Variants in FILIP1L observed in about 807,000 individuals in gnomAD.
FILIP1L encodes filamin A interacting protein 1 like, also known as filamin A-interacting protein 1-like.
Under a neutral mutation model 96.6 loss-of-function variants are expected in FILIP1L, and 55 were observed. That is an observed-to-expected ratio of 0.57 (90% CI 0.46 to 0.71). The LOEUF is 0.71. Ranked by LOEUF, FILIP1L falls within the 30% of genes least tolerant of loss-of-function variation. FILIP1L has a pLI of 0.00. For synonymous variants in FILIP1L, 467 were observed against 473.9 expected, an observed-to-expected ratio of 0.99 and a Z score of 0.19; for missense variants, 1,304 against 1,321.2, an observed-to-expected ratio of 0.99 and a Z score of 0.20.
chr3:100,003,522 C>T (rs1436690473), intron 1 of FILIP1L, among the ~76,000 whole-genome samples: 4 of 152,146 alleles, frequency 2.6e-5, no homozygotes, highest in Non-Finnish European at 4.4e-5. Context: ...GTGAAGTATC[C>T]ATTTTGTAGA....
chr3:100,088,229 A>G (rs1269551080), intron 1 of FILIP1L, among the ~76,000 whole-genome samples: 2 of 152,202 alleles, frequency 1.3e-5, no homozygotes, highest in African/African-American at 2.4e-5. Flanking sequence ...AGTTATCATT[A>G]TATGTGTCCC....
chr3:99,928,114 T>A (rs961014195), intron 3 of FILIP1L, among the ~76,000 whole-genome samples: 2 of 152,226 alleles, frequency 1.3e-5, no homozygotes, highest in Admixed American at 6.5e-5. Flanking sequence ...GCATTCAAGA[T>A]GCTTATTCTC....
At position 99,948,336 on chromosome 3, in the gene FILIP1L, A is replaced by T. The variant is rs930504331; in HGVS notation, c.-10-17306T>A. Among the ~76,000 whole-genome samples, 304 of 150,386 alleles carry T rather than the reference A, an allele frequency of 2.0e-3. 5 individuals are homozygous for T. Among genetic ancestry groups the T allele is most frequent in the East Asian group, 3.9e-4 (2 of 5,176 alleles). ...AGTGAGACTGTCTCTCCAAAAAAAT[A>T]AAAAAATTAAAAAATTTTTTAAAAA... On this transcript the variant is annotated intron_variant, in intron 1 of 5. Coordinates refer to ENST00000477258, the MANE Select transcript of FILIP1L (RefSeq NM_001387850.1).
intron 1 of FILIP1L, among the ~76,000 whole-genome samples, chr3:100,001,281 C>T (rs1051655232): frequency 6.6e-6 from 1 of 152,176 alleles, no homozygotes; most frequent in Non-Finnish European, 1.5e-5. Flanking sequence ...TTTATTGGAA[C>T]ATGGCTATAC....
intron 1 of FILIP1L, among the ~76,000 whole-genome samples, chr3:99,955,497 A>G (rs926855233): frequency 1.3e-5 from 2 of 152,204 alleles, no homozygotes; most frequent in African/African-American, 4.8e-5. Context: ...TTAGTGGCCC[A>G]AGTTGAATCA....
chr3:100,109,145 G>T (rs770540230), intron 1 of FILIP1L, among the ~76,000 whole-genome samples: 23 of 149,468 alleles, frequency 1.5e-4, no homozygotes, highest in Non-Finnish European at 3.0e-4. Context: ...CAATTCTTCC[G>T]CTGTAAATCA....
chr3:100,112,007 T>C (rs2066499563), intron 1 of FILIP1L, among the ~76,000 whole-genome samples: 1 of 152,208 alleles, frequency 6.6e-6, no homozygotes, highest in South Asian at 2.1e-4. Context: ...TTCACTGTTA[T>C]AATCCCAATA....
chr3:99,921,897 G>A (rs1220904090), intron 4 of FILIP1L, among the ~76,000 whole-genome samples: 1 of 151,982 alleles, frequency 6.6e-6, no homozygotes, highest in African/African-American at 2.4e-5. Context: ...CCATTTCTCA[G>A]TGTTGTTCCT....
chr3:100,060,778 C>T (rs368766401), intron 1 of FILIP1L, among the ~76,000 whole-genome samples: 2 of 152,052 alleles, frequency 1.3e-5, no homozygotes, highest in Non-Finnish European at 2.9e-5. Context: ...GGGAGGATAA[C>T]GAGCGTGGGA....
chr3:100,035,667 G>A lies in FILIP1L; in HGVS notation c.-11+78386C>T, dbSNP rs574668045. Among the ~76,000 whole-genome samples the A allele has an allele frequency of 4.6e-5, 7 of 152,254 alleles. No homozygotes were observed. In the East Asian group the frequency reaches 1.2e-3, roughly 25 times the overall value. On this transcript the variant is annotated intron_variant, in intron 1 of 5. Coordinates refer to ENST00000477258, the MANE Select transcript of FILIP1L (RefSeq NM_001387850.1). The stretch of plus-strand genomic sequence containing the variant: ...TTAAAGAAATTGAACCATAGAAGAG[G>A]CAGAAACTTTTATCATTCTGATATA...
At chr3:99,972,349 G>A (rs1326890432) in intron 1 of FILIP1L, among the ~76,000 whole-genome samples, 1 of 152,190 alleles carries the variant, frequency 6.6e-6, no homozygotes, top group Non-Finnish European at 1.5e-5. Context: ...GCCATGGCAG[G>A]ATTACTAGAC....
At chr3:99,917,284 A>C (rs996994907) in intron 4 of FILIP1L, among the ~76,000 whole-genome samples, 15 of 152,152 alleles carry the variant, frequency 9.9e-5, no homozygotes, top group African/African-American at 9.7e-5. Flanking sequence ...GAACACCTGC[A>C]TTCTTCCTAA....
intron 5 of FILIP1L, among the ~76,000 whole-genome samples, chr3:99,843,865 A>G (rs1057395940): frequency 1.3e-5 from 2 of 152,152 alleles, no homozygotes; most frequent in African/African-American, 4.8e-5. Flanking sequence ...GTGGCATTAG[A>G]TTCTCATAGG....
chr3:99,998,975 C>T (rs1009415137), intron 1 of FILIP1L, among the ~76,000 whole-genome samples: 4 of 152,204 alleles, frequency 2.6e-5, no homozygotes, highest in Admixed American at 1.3e-4. Context: ...AAAACCTCCA[C>T]CACAAGATTT....
chr3:99,942,730 G>A (rs1707887464), intron 1 of FILIP1L, among the ~76,000 whole-genome samples: 1 of 152,064 alleles, frequency 6.6e-6, no homozygotes, highest in Non-Finnish European at 1.5e-5. Context: ...TCTGGAGGCT[G>A]AGGCAGGAGA....
At chr3:99,984,465 A>G (rs990680257) in intron 1 of FILIP1L, among the ~76,000 whole-genome samples, 2 of 152,130 alleles carry the variant, frequency 1.3e-5, no homozygotes, top group African/African-American at 4.8e-5. Flanking sequence ...AACTCTAAAG[A>G]TTTGTGAAAT....
chr3:99,923,764 A>C (rs1203718658), intron 4 of FILIP1L, among the ~76,000 whole-genome samples: 2 of 152,226 alleles, frequency 1.3e-5, no homozygotes, highest in African/African-American at 4.8e-5. Flanking sequence ...TTGCTCCTTC[A>C]GGCCAACAGT....
intron 1 of FILIP1L, among the ~76,000 whole-genome samples, chr3:100,038,419 C>A (rs1392985682): frequency 1.3e-5 from 2 of 152,066 alleles, no homozygotes; most frequent in African/African-American, 4.8e-5. Flanking sequence ...CAAATTATTT[C>A]TTTTTTCACC....
At chr3:99,966,367 G>GCCTGAAC (rs1234023711) in intron 1 of FILIP1L, among the ~76,000 whole-genome samples, 1 of 152,034 alleles carries the variant, frequency 6.6e-6, no homozygotes, top group Admixed American at 6.5e-5. Flanking sequence ...TCCATCTGAA[G>GCCTGAAC]CCTGAACCCT....
Sources: gnomAD v4.1 joint callset for allele counts (sites outside exome capture counted in the v4.1 genomes callset) on GRCh38, gnomAD v4.1.1 for gene constraint, MANE v1.5 for transcripts, NCBI Gene and HGNC (gene_info 2026-07-23, HGNC 2026-07-21) for gene names.